Variants in SYTL5 observed in about 807,000 individuals in gnomAD.
SYTL5 encodes the protein synaptotagmin like 5.
In SYTL5, 34 loss-of-function variants were observed where a neutral mutation model predicts 55.9. The observed-to-expected ratio is 0.61, with a 90% CI of 0.46 to 0.81. The LOEUF (loss-of-function observed/expected upper bound fraction) is 0.81. Among genes scored for constraint, SYTL5 ranks in the 30% least tolerant of loss-of-function variants. The probability of loss-of-function intolerance (pLI) is 0.00; values close to 1 mark genes in which losing one functional copy is unlikely to be tolerated. For missense variants in SYTL5, 637 were observed against 546.7 expected (o/e 1.17, Z -1.65); for synonymous variants, 221 against 188.7 (o/e 1.17, Z -1.40).
At chrX:38,088,737 A>G (rs1936720497) in intron 6 of SYTL5, among the ~76,000 whole-genome samples, 1 of 112,309 alleles carries the variant, frequency 8.9e-6, no homozygotes, top group East Asian at 2.8e-4. Context: ...ATGAAATATA[A>G]CTTCTAATCT....
At chrX:38,071,211 C>A (rs1354746787) in intron 3 of SYTL5, among the ~76,000 whole-genome samples, 1 of 111,359 alleles carries the variant, frequency 9.0e-6, no homozygotes, top group Non-Finnish European at 1.9e-5. Flanking sequence ...CTGAAGGACG[C>A]TATAAGTAAT....
chrX:38,033,189 G>A (rs1251765855), intron 1 of SYTL5, among the ~76,000 whole-genome samples: 1 of 111,435 alleles, frequency 9.0e-6, no homozygotes, highest in Non-Finnish European at 1.9e-5. Flanking sequence ...GCCCTGATCT[G>A]TTATGGGCAG....
intron 3 of SYTL5, among the ~76,000 whole-genome samples, chrX:38,060,093 A>G (rs1009109978): frequency 5.4e-5 from 6 of 110,975 alleles, no homozygotes; most frequent in Admixed American, 2.9e-4. Context: ...ATCACTATCT[A>G]AATATATCTA....
chrX:37,937,437 G>T, the SYTL5 span, among the ~76,000 whole-genome samples: 1 of 111,280 alleles, frequency 9.0e-6, no homozygotes, highest in African/African-American at 3.3e-5. Flanking sequence ...CAAGCTGAGG[G>T]AGGCTGTCAG....
chrX:38,042,044 A>G (rs1396329598), intron 2 of SYTL5, among the ~76,000 whole-genome samples: 1 of 110,710 alleles, frequency 9.0e-6, no homozygotes, highest in Non-Finnish European at 1.9e-5. Context: ...AGATCACCAT[A>G]GTCATAAGTA....
chrX:37,940,550 G>C, the SYTL5 span, among the ~76,000 whole-genome samples: 1 of 103,677 alleles, frequency 9.6e-6, no homozygotes, highest in Non-Finnish European at 2.0e-5. Context: ...TCTTTTACTA[G>C]GTATACATGT....
chrX:37,892,679 TATATATTAGTATATATAC>T, the SYTL5 span, among the ~76,000 whole-genome samples: 248 of 86,721 alleles, frequency 2.9e-3, 1 homozygote, highest in Middle Eastern at 0.015. Context: ...AGTATATATG[TATATATTAGTATATATAC>T]ATATATTAGT....
At chrX:37,940,835 C>G in the SYTL5 span, among the ~76,000 whole-genome samples, 2 of 110,320 alleles carry the variant, frequency 1.8e-5, no homozygotes, top group African/African-American at 6.6e-5. Context: ...TTTGGAAAAC[C>G]TGATTAGAAC....
Position 38,043,661 on chromosome X carries a change from G to GTGTATATATATA in SYTL5, c.119+9654_119+9655insGTATATATATAT, listed in dbSNP as rs1285664433. Among the ~76,000 whole-genome samples, 6 of 50,138 alleles carry GTGTATATATATA rather than the reference G, an allele frequency of 1.2e-4. 1 individual carries two copies. In the East Asian group the frequency reaches 2.4e-3, roughly 20 times the overall value. 43.5% of individuals were successfully genotyped at this position (50,138 alleles called of 115,157 possible). A position where few individuals can be genotyped will look rare whatever the true frequency, so the allele number is the denominator to read the frequency against. ...CTGTAACTTTTATGTATGTATGTAT[G>GTGTATATATATA]TATATATATATATATATATATATAT... On this transcript the variant is annotated intron_variant, in intron 2 of 16. Transcript: ENST00000297875.
At chrX:37,990,856 A>G in the SYTL5 span, 2 of 1,202,715 alleles carry the variant, frequency 1.7e-6, no homozygotes, top group South Asian at 3.6e-5. Context: ...GAGAAAAAGA[A>G]CTGTAAGAAC....
chrX:38,076,692 G>A lies in SYTL5; in HGVS notation c.680G>A (p.Gly227Asp). Reference sequence around the variant, plus strand: ...TTTCGGAGTTTAAAATCACCTCCTGGTTCAGACAGGTAAGAGTCATACAGA... The same window carrying A: ...TTTCGGAGTTTAAAATCACCTCCTGATTCAGACAGGTAAGAGTCATACAGA... ...QHFRSLKSPP[G>D]SDRGSTGSSD... Residue 227 changes from glycine to aspartate, a missense_variant, in exon 6 of 17, where the codon GGT (glycine) becomes GAT (aspartate). By Grantham distance (94) the Gly-to-Asp change is moderately conservative. Transcript: ENST00000297875. 3 of 1,210,265 alleles carry A rather than the reference G, an allele frequency of 2.5e-6. No homozygotes were observed. Among genetic ancestry groups the A allele is most frequent in the Non-Finnish European group, 3.4e-6 (3 of 894,791 alleles).
chrX:38,023,524 A>G (rs1934637624), intron 1 of SYTL5, among the ~76,000 whole-genome samples: 1 of 112,004 alleles, frequency 8.9e-6, no homozygotes, highest in Non-Finnish European at 1.9e-5. Flanking sequence ...TACATTTATT[A>G]TGTACATGCA....
At chrX:37,934,818 G>T in the SYTL5 span, among the ~76,000 whole-genome samples, 3 of 109,899 alleles carry the variant, frequency 2.7e-5, no homozygotes, top group Admixed American at 9.7e-5. Flanking sequence ...ATTTTTAGTA[G>T]AGGTGGGGTT....
In SYTL5 at chrX:38,012,087, G is replaced by A. The variant is rs139155117; in HGVS notation, c.-357+5419G>A. On this transcript the variant is annotated intron_variant, in intron 1 of 16. Transcript: ENST00000297875. ...TTAGCAGTTTCCAATTTTTGTAACA[G>A]TCGACTTATCCAGGCTAATTTGATT... Among the ~76,000 whole-genome samples, 354 of 111,838 alleles carry A rather than the reference G, an allele frequency of 3.2e-3. 7 individuals carry two copies. In the East Asian group the frequency reaches 0.044, roughly 14 times the overall value.
chrX:37,898,078 C>A, the SYTL5 span, among the ~76,000 whole-genome samples: 4 of 111,048 alleles, frequency 3.6e-5, no homozygotes, highest in Non-Finnish European at 7.6e-5. Context: ...GCAGCCTGGA[C>A]AACAAAGTGA....
At chrX:38,003,568 A>G (rs955154685), upstream of SYTL5, among the ~76,000 whole-genome samples, 3 of 111,577 alleles carry the variant, frequency 2.7e-5, no homozygotes, top group African/African-American at 9.8e-5. Context: ...TGCTCAATGA[A>G]ATAAAAGAGG....
At chrX:38,088,942 A>C (rs1031438724) in intron 6 of SYTL5, among the ~76,000 whole-genome samples, 1 of 112,524 alleles carries the variant, frequency 8.9e-6, no homozygotes, top group Non-Finnish European at 1.9e-5. Flanking sequence ...GTAGTCTGGC[A>C]AAGACCGTAA....
intron 3 of SYTL5, among the ~76,000 whole-genome samples, chrX:38,056,287 G>A (rs1935779915): frequency 8.9e-6 from 1 of 112,078 alleles, no homozygotes; most frequent in Non-Finnish European, 1.9e-5. Flanking sequence ...TGTTGCAAAT[G>A]AGTGGATCTC....
intron 2 of SYTL5, among the ~76,000 whole-genome samples, chrX:38,048,191 CA>C (rs751199859): frequency 0.036 from 3,737 of 104,432 alleles, 66 homozygotes; most frequent in Middle Eastern, 0.063. Flanking sequence ...ATCTCAAAAA[CA>C]AAAAAAAAAT....
Sources: allele counts gnomAD v4.1 joint callset (sites outside exome capture counted in the v4.1 genomes callset), GRCh38; gene constraint gnomAD v4.1.1; transcripts MANE v1.5; gene names NCBI Gene and HGNC (gene_info 2026-07-23, HGNC 2026-07-21).